Variants in C14orf93 observed in about 807,000 individuals in gnomAD.
C14orf93 encodes the protein chromosome 14 open reading frame 93.
In C14orf93, 23 loss-of-function variants were observed where a neutral mutation model predicts 44.0. The observed-to-expected ratio is 0.52, with a 90% CI of 0.38 to 0.74. The LOEUF is 0.74. C14orf93 is among the 30% of genes least tolerant of loss of function. The pLI, the probability that C14orf93 is intolerant of heterozygous loss-of-function variation, is 0.00. For synonymous variants in C14orf93, 253 were observed against 265.7 expected (o/e 0.95, Z 0.46); for missense variants, 579 against 678.9 (o/e 0.85, Z 1.64).
rs1254971077 is a variant in C14orf93, at chr14:22,987,397, T to C, written c.1435A>G (p.Arg479Gly). Residue 479 changes from arginine to glycine, a missense_variant, in exon 7 of 7, where the codon AGA (arginine) becomes GGA (glycine). Physicochemically the swap from Arg to Gly is moderately radical, Grantham distance 125 (BLOSUM62 -2). Transcript: ENST00000299088. This position sits in a 1 kb window ranked among gnomAD's most constrained non-coding sequence, Gnocchi z 5.6. ...ANRVYGPPSD[R>G]LPSAEAQLLP... The stretch of plus-strand genomic sequence containing the variant: ...AGCTGGGCTTCAGCAGAAGGCAGTC[T>C]GTCTGAGGGAGGCCCATACACACGG... The C allele has an allele frequency of 6.2e-7, 1 of 1,614,246 alleles. No homozygotes were observed. Among genetic ancestry groups the C allele is most frequent in the Non-Finnish European group, 8.5e-7 (1 of 1,180,038 alleles).
intron 3 of C14orf93, among the ~76,000 whole-genome samples, chr14:22,994,477 G>T (rs2045851766): frequency 6.6e-6 from 1 of 152,090 alleles, no homozygotes; most frequent in Non-Finnish European, 1.5e-5. Flanking sequence ...CTGCACTCCA[G>T]CCTGGGTGAC....
intron 5 of C14orf93, among the ~76,000 whole-genome samples, chr14:22,989,180 A>G (rs1467539142): frequency 6.6e-6 from 1 of 152,114 alleles, no homozygotes; most frequent in Non-Finnish European, 1.5e-5. Context: ...TTTGGTAAAG[A>G]TTGGGTTTCG....
At chr14:22,990,259 T>C in intron 3 of C14orf93, 132 bp from the exon 4 acceptor site, 1 of 687,352 alleles carries the variant, frequency 1.5e-6, no homozygotes, top group South Asian at 1.9e-5. Flanking sequence ...CAAGAGCCTA[T>C]CCAAGTTACT....
At chr14:22,994,666 G>A (rs1311320924) in intron 3 of C14orf93, among the ~76,000 whole-genome samples, 2 of 151,726 alleles carry the variant, frequency 1.3e-5, no homozygotes, top group African/African-American at 4.8e-5. Context: ...AGTCGAAGCT[G>A]CAGTGAGCCA....
At chr14:22,993,102 ACTCCTGAC>A (rs1441758740) in intron 3 of C14orf93, among the ~76,000 whole-genome samples, 2 of 152,008 alleles carry the variant, frequency 1.3e-5, no homozygotes, top group African/African-American at 2.4e-5. Flanking sequence ...CTAGTCTCAA[ACTCCTGAC>A]CTCAGGTGAT....
At position 22,987,552 on chromosome 14, in the gene C14orf93, A is replaced by G. The variant is rs1286215851; in HGVS notation, c.1280T>C (p.Met427Thr). ...RLWNDVTEEL[M>T]SDEEDSLNEP... ...GTTAAGACTGTCCTCTTCATCTGAC[A>G]TCAGTTCCTCTGTCACATCATTCCA... The change falls in exon 7 of 7, where the codon ATG (methionine) becomes ACG (threonine). Residue 427 changes from methionine (M) to threonine (T), a missense_variant. By Grantham distance (81) the Met-to-Thr change is moderately conservative (BLOSUM62 -1). Coordinates refer to ENST00000299088, the MANE Select transcript of C14orf93 (RefSeq NM_021944.4). The surrounding 1 kb of genome is among the most constrained non-coding windows in gnomAD (Gnocchi z 5.6). 3.7e-6 allele frequency: 6 copies of G among 1,614,188 alleles called. No individual in the cohort carries two copies. Among genetic ancestry groups the G allele is most frequent in the Non-Finnish European group, 5.1e-6 (6 of 1,180,018 alleles).
intron 3 of C14orf93, chr14:22,993,752 T>C (rs1475107533): frequency 1.3e-5 from 2 of 152,234 alleles, no homozygotes; most frequent in African/African-American, 4.8e-5. Context: ...AAGGAGTGGC[T>C]GGGATCTGCA....
intron 5 of C14orf93, among the ~76,000 whole-genome samples, chr14:22,988,820 C>T (rs1238428423): frequency 6.6e-6 from 1 of 152,120 alleles, no homozygotes; most frequent in Non-Finnish European, 1.5e-5. Flanking sequence ...GTGGCTCACA[C>T]CTGTAATCCC....
chr14:23,008,532 T>C (rs563258116), intron 1 of C14orf93, among the ~76,000 whole-genome samples: 2 of 152,268 alleles, frequency 1.3e-5, no homozygotes, highest in African/African-American at 4.8e-5. Context: ...TTTTTTTGTC[T>C]CCTGGTTGTC....
chr14:22,987,149 C>T lies in C14orf93; in HGVS notation c.*66G>A. On this transcript the variant is annotated 3_prime_UTR_variant, in exon 7 of 7. Coordinates refer to ENST00000299088, the MANE Select transcript of C14orf93 (RefSeq NM_021944.4). This position sits in a 1 kb window ranked among gnomAD's most constrained non-coding sequence, Gnocchi z 5.6. ...AGAGCATCTCATTATTTTGTGAAGC[C>T]CCATGGCCACCTATTTCTGAGACAT... 6.8e-7 allele frequency: 1 copy of T among 1,478,698 alleles called. No homozygotes were observed. The highest frequency in any genetic ancestry group is 2.2e-5 in the Admixed American group (1 of 45,432). The allele number at this position is 1,478,698 out of a possible 1,614,324, so 91.6% of individuals were successfully genotyped here. A position where few individuals can be genotyped will look rare whatever the true frequency, so the allele number is the denominator to read the frequency against.
chr14:23,007,150 G>A (rs868788663), intron 1 of C14orf93: 4 of 152,258 alleles, frequency 2.6e-5, no homozygotes, highest in Admixed American at 2.0e-4. Context: ...CGTGTACCCG[G>A]CTACCGCGCG....
chr14:23,003,608 A>C (rs1291344642), intron 1 of C14orf93, among the ~76,000 whole-genome samples: 1 of 152,008 alleles, frequency 6.6e-6, no homozygotes, highest in East Asian at 1.9e-4. Flanking sequence ...CAACATGGTG[A>C]AACCCTGTCT....
intron 1 of C14orf93, among the ~76,000 whole-genome samples, chr14:23,007,659 G>A (rs1474169363): frequency 6.6e-6 from 1 of 152,134 alleles, no homozygotes; most frequent in Non-Finnish European, 1.5e-5. Flanking sequence ...TTCTTAGGAA[G>A]AAAAAGCAAG....
intron 3 of C14orf93, among the ~76,000 whole-genome samples, chr14:22,991,051 C>A (rs560875114): frequency 6.6e-6 from 1 of 151,934 alleles, no homozygotes; most frequent in African/African-American, 2.4e-5. Context: ...ATCTCCTGAC[C>A]TCATGATCTG....
rs772331300 is a variant in C14orf93 at position 22,989,772 on chromosome 14, G to T, written c.1054C>A (p.Pro352Thr). ...EKLKQELVTS[P>T]HNYTDKELKG... ...AGCTCCTTATCAGTGTAATTGTGGG[G>T]ACTGGTCACCAGCTCTTGCTTGAGC... The change falls in exon 5 of 7, where the codon CCC becomes ACC. Residue 352 changes from proline (P) to threonine (T), a missense_variant. Physicochemically the swap from Pro to Thr is conservative, Grantham distance 38. Coordinates refer to ENST00000299088, the MANE Select transcript of C14orf93 (RefSeq NM_021944.4). The T allele has an allele frequency of 1.2e-6, 2 of 1,613,874 alleles. No homozygotes were observed. Among genetic ancestry groups the T allele is most frequent in the South Asian group, 1.1e-5 (1 of 91,058 alleles).
At chr14:23,003,871 TA>T (rs2046439062) in intron 1 of C14orf93, among the ~76,000 whole-genome samples, 2 of 13,192 alleles carry the variant, frequency 1.5e-4, no homozygotes, top group Non-Finnish European at 2.7e-4. Context: ...TATATATATA[TA>T]TATATATATA....
Position 22,999,251 on chromosome 14 carries a change from A to C in C14orf93, c.-228T>G, listed in dbSNP as rs1475973867. On this transcript the variant is annotated 5_prime_UTR_variant, in exon 2 of 7. Coordinates refer to ENST00000299088, the MANE Select transcript of C14orf93 (RefSeq NM_021944.4). ...AGGGAGACAGGTGCCTTCTATTTGC[A>C]GATCCTGTGCTCTCCTAGCACATCA... 1.8e-6 allele frequency: 1 copy of C among 553,792 alleles called. No individual in the cohort carries two copies. The allele number at this position is 553,792 out of a possible 1,614,324, so 34.3% of individuals were successfully genotyped here.
intron 1 of C14orf93, among the ~76,000 whole-genome samples, chr14:23,008,154 CAAAAAAAAAAAA>C (rs55936083): frequency 5.8e-4 from 49 of 85,082 alleles, no homozygotes; most frequent in African/African-American, 7.8e-4. Flanking sequence ...AACTCCGTTT[CAAAAAAAAAAAA>C]AAAAAAAAAA....
intron 3 of C14orf93, among the ~76,000 whole-genome samples, chr14:22,995,596 C>T (rs1240045379): frequency 6.9e-6 from 1 of 145,736 alleles, no homozygotes; most frequent in Non-Finnish European, 1.5e-5. Context: ...AGGAGAATCG[C>T]TTGAACCTGG....
Sources: allele counts gnomAD v4.1 joint callset (sites outside exome capture counted in the v4.1 genomes callset), GRCh38; gene constraint gnomAD v4.1.1; non-coding constraint Gnocchi (gnomAD v3.1); transcripts MANE v1.5; gene names NCBI Gene and HGNC (gene_info 2026-07-23, HGNC 2026-07-21).